UBR1: variants seen among roughly 807,000 people sequenced by gnomAD.
UBR1 encodes ubiquitin protein ligase E3 component n-recognin 1, also known as E3 ubiquitin-protein ligase UBR1.
In UBR1, 102 loss-of-function variants were observed where a neutral mutation model predicts 242.1. The ratio of observed to expected loss-of-function variants is 0.42; its 90% CI spans 0.36 to 0.50. The LOEUF (loss-of-function observed/expected upper bound fraction) is 0.50, where lower values mean the gene tolerates loss of function less well. UBR1 is among the 20% of genes least tolerant of loss of function. UBR1 has a pLI of 0.01. For synonymous variants in UBR1, 675 were observed against 684.8 expected, an observed-to-expected ratio of 0.99 and a Z score of 0.22; for missense variants, 1,772 against 2,101.8, an observed-to-expected ratio of 0.84 and a Z score of 3.07.
Position 42,960,655 on chromosome 15 carries a change from T to C in UBR1, c.4747A>G (p.Thr1583Ala), listed in dbSNP as rs2031999671. Reference sequence around the variant, plus strand: ...AGTAGTAAAACCAACCTGACCACGGTGTTTTTTTGCTTCAAACAGTTTAGT... The same window carrying C: ...AGTAGTAAAACCAACCTGACCACGGCGTTTTTTTGCTTCAAACAGTTTAGT... ...ALLNCLKQKN[T>A]VVRYPRKRNS... is the part of the protein sequence containing the mutation. The change falls in exon 43 of 47, where the codon ACC becomes GCC. Residue 1583 changes from threonine to alanine, a missense_variant. Physicochemically the swap from Thr to Ala is moderately conservative, Grantham distance 58. This residue lies in a region of UBR1 where 965 missense variants were observed against 1,079.7 expected (regional missense o/e 0.89). Transcript: ENST00000290650. 4.3e-6 allele frequency: 7 copies of C among 1,613,950 alleles called. No individual in the cohort carries two copies. The highest frequency in any genetic ancestry group is 5.9e-6 in the Non-Finnish European group (7 of 1,179,932).
At chr15:43,062,046 C>T (rs769407249) in intron 6 of UBR1, among the ~76,000 whole-genome samples, 2 of 151,674 alleles carry the variant, frequency 1.3e-5, no homozygotes, top group African/African-American at 2.4e-5. Flanking sequence ...GGAGAATACA[C>T]AAAATGGTGC....
intron 37 of UBR1, 62 bp downstream of exon 37, chr15:42,983,835 A>G (rs1474583312): frequency 2.9e-6 from 3 of 1,035,348 alleles, no homozygotes; most frequent in Non-Finnish European, 3.9e-6. Flanking sequence ...ACTGCCAGAA[A>G]TGCAATAGAA....
Position 43,024,083 on chromosome 15 carries a change from T to C in UBR1, c.2739+746A>G, listed in dbSNP as rs527408763. Among the ~76,000 whole-genome samples the C allele has an allele frequency of 3.3e-5, 5 of 152,332 alleles. No homozygotes were observed. The East Asian group carries it at 9.6e-4, about 29-fold the overall frequency. ...AGAATATACAAAACTTTAACAATGC[T>C]TATGTCCTATATAGCATACTGGGAC... On this transcript the variant is annotated intron_variant, in intron 25 of 46. Transcript: ENST00000290650.
At chr15:43,094,983 CT>C (rs2034142425) in intron 1 of UBR1, among the ~76,000 whole-genome samples, 1 of 152,152 alleles carries the variant, frequency 6.6e-6, no homozygotes, top group African/African-American at 2.4e-5. Context: ...GTTGTATTCT[CT>C]TTTTCATCTC....
rs1473314274 is a variant in UBR1, at chr15:43,083,993, TGA to T, written c.339-1279_339-1278del. Among the ~76,000 whole-genome samples, 3 of 152,012 alleles carry T rather than the reference TGA, an allele frequency of 2.0e-5. No homozygotes were observed. The East Asian group carries it at 5.8e-4, about 30-fold the overall frequency. ...TGGGAGGTGGAGGTTGCGGGTGAGC[TGA>T]GATAGCGCCACTGTACTCTAGCCTA... On this transcript the variant is annotated intron_variant, in intron 2 of 46. Coordinates refer to ENST00000290650, the MANE Select transcript of UBR1 (RefSeq NM_174916.3).
At chr15:43,085,700 A>G (rs2141360506) in intron 2 of UBR1, among the ~76,000 whole-genome samples, 1 of 149,078 alleles carries the variant, frequency 6.7e-6, no homozygotes, top group South Asian at 2.1e-4. Context: ...CCTAGCCAAC[A>G]TGGTGAAACC....
intron 43 of UBR1, 71 bp from the exon 44 acceptor site, chr15:42,958,161 T>G (rs2031954143): frequency 6.8e-6 from 7 of 1,030,302 alleles, no homozygotes; most frequent in Non-Finnish European, 1.1e-5. Context: ...CCCAAAGTGA[T>G]AGAAGAATGT....
rs750934594 is a variant in UBR1 at position 43,016,131 on chromosome 15, G to A, written c.3028-262C>T. 1.5e-4 allele frequency among the ~76,000 whole-genome samples: 23 copies of A among 152,024 alleles called. 1 individual carries two copies. Among genetic ancestry groups the A allele is most frequent in the Non-Finnish European group, 3.2e-4 (22 of 68,008 alleles). On this transcript the variant is annotated intron_variant, in intron 28 of 46. Transcript: ENST00000290650. Reference sequence around the variant, plus strand: ...TTAACTGCCTTTTATACTCAATGCAGGTACCTTAAGAAATAAAATTAGATA... The same window carrying A: ...TTAACTGCCTTTTATACTCAATGCAAGTACCTTAAGAAATAAAATTAGATA...
chr15:42,999,773 G>A (rs1486166465), intron 32 of UBR1, among the ~76,000 whole-genome samples: 1 of 151,796 alleles, frequency 6.6e-6, no homozygotes, highest in Non-Finnish European at 1.5e-5. Flanking sequence ...AGGCTGAAAT[G>A]AGCTAAGATC....
intron 1 of UBR1, chr15:43,092,152 C>T: frequency 5.6e-6 from 2 of 356,534 alleles, no homozygotes; most frequent in Admixed American, 6.4e-5. Context: ...CCTTAAATAC[C>T]CTCTCCATCA....
chr15:43,105,665 C>T (rs1170951422), intron 1 of UBR1, among the ~76,000 whole-genome samples: 3 of 152,192 alleles, frequency 2.0e-5, no homozygotes, highest in Non-Finnish European at 4.4e-5. Context: ...CCACATCAAA[C>T]CGTCTAATAA....
chr15:42,966,402 G>A, intron 40 of UBR1, 116 bp from the exon 41 acceptor site: 1 of 1,421,554 alleles, frequency 7.0e-7, no homozygotes, highest in Non-Finnish European at 9.7e-7. Context: ...TATTATCCAT[G>A]CAATTTTTAA....
chr15:42,965,097 G>A (rs985845032), intron 41 of UBR1, among the ~76,000 whole-genome samples: 2 of 152,136 alleles, frequency 1.3e-5, no homozygotes, highest in South Asian at 4.2e-4. Flanking sequence ...GCAAACAACA[G>A]ATCTGTGCTG....
chr15:43,052,123 C>T (rs1025037239), intron 12 of UBR1, among the ~76,000 whole-genome samples: 1 of 152,120 alleles, frequency 6.6e-6, no homozygotes, highest in South Asian at 2.1e-4. Context: ...TTTTCCTAGG[C>T]AGATCTCAGT....
intron 3 of UBR1, among the ~76,000 whole-genome samples, chr15:43,079,945 A>G (rs951178046): frequency 1.3e-5 from 2 of 152,202 alleles, no homozygotes; most frequent in Non-Finnish European, 2.9e-5. Flanking sequence ...CAAACTAAGG[A>G]TATTATTTCC....
intron 37 of UBR1, among the ~76,000 whole-genome samples, chr15:42,981,866 A>G (rs1212925737): frequency 1.3e-5 from 2 of 152,228 alleles, no homozygotes; most frequent in Non-Finnish European, 2.9e-5. Flanking sequence ...GGCAAGGAAC[A>G]TATCTGATAG....
chr15:42,988,269 A>ATATATG (rs2032505084), intron 35 of UBR1, among the ~76,000 whole-genome samples: 1 of 147,804 alleles, frequency 6.8e-6, no homozygotes, highest in Admixed American at 6.8e-5. Context: ...AAAGGAATAT[A>ATATATG]TGTGTGTGTG....
intron 10 of UBR1, among the ~76,000 whole-genome samples, chr15:43,057,706 T>C (rs1370819117): frequency 2.0e-5 from 3 of 152,334 alleles, no homozygotes; most frequent in Middle Eastern, 6.8e-3. Flanking sequence ...CCTGCTATAC[T>C]TTTCAATTAG....
At chr15:42,967,701 T>A (rs2032131621) in intron 40 of UBR1, among the ~76,000 whole-genome samples, 1 of 151,690 alleles carries the variant, frequency 6.6e-6, no homozygotes, top group Non-Finnish European at 1.5e-5. Flanking sequence ...ATACGGGAAC[T>A]GGTAGGGGGA....
Sources: allele counts gnomAD v4.1 joint callset (sites outside exome capture counted in the v4.1 genomes callset), GRCh38; gene constraint gnomAD v4.1.1; regional missense constraint gnomAD v4.1.1; transcripts MANE v1.5; gene names NCBI Gene and HGNC (gene_info 2026-07-23, HGNC 2026-07-21).